SUN3: variants seen among roughly 807,000 people sequenced by gnomAD.
The protein encoded by SUN3 is Sad1 and UNC84 domain containing 3.
SUN3 carries 36 observed loss-of-function variants against 48.2 expected under a neutral mutation model. That is an observed-to-expected ratio of 0.75 (90% confidence interval 0.57 to 0.99). The LOEUF (loss-of-function observed/expected upper bound fraction) is 0.99, where lower values mean the gene tolerates loss of function less well. Ranked by LOEUF, SUN3 falls within the 50% of genes least tolerant of loss-of-function variation. The probability of loss-of-function intolerance (pLI) is 0.00; values close to 1 mark genes in which losing one functional copy is unlikely to be tolerated. For missense variants in SUN3, 419 were observed against 433.1 expected, an observed-to-expected ratio of 0.97 and a Z score of 0.29; for synonymous variants, 148 against 147.9, an observed-to-expected ratio of 1.00 and a Z score of 0.00.
the SUN3 span, chr7:48,035,697 G>C: frequency 1.7e-6 from 1 of 596,608 alleles, no homozygotes; most frequent in Admixed American, 2.8e-5. The surrounding 1 kb of genome is among the most constrained non-coding windows in gnomAD (Gnocchi z 4.0). Flanking sequence ...TCCACTGTGC[G>C]GAGCTCGCAG....
At chr7:48,022,453 T>C (rs1364017954) in intron 2 of SUN3, among the ~76,000 whole-genome samples, 1 of 152,160 alleles carries the variant, frequency 6.6e-6, no homozygotes, top group Non-Finnish European at 1.5e-5. Context: ...GATAAATGCT[T>C]GAGGGGATGG....
At chr7:48,011,257 A>G (rs1473571174) in intron 3 of SUN3, among the ~76,000 whole-genome samples, 2 of 152,192 alleles carry the variant, frequency 1.3e-5, no homozygotes, top group Non-Finnish European at 2.9e-5. Flanking sequence ...ATCTTTACCC[A>G]GTAATTAGCT....
chr7:48,025,081 G>T (rs1439896524), intron 2 of SUN3, among the ~76,000 whole-genome samples: 2 of 152,064 alleles, frequency 1.3e-5, no homozygotes, highest in Non-Finnish European at 2.9e-5. Flanking sequence ...TTGAGAACAG[G>T]TGTTCAAATA....
In SUN3 at chr7:48,029,080, C is replaced by T; in HGVS notation, c.-142G>A. 3 of 1,219,910 alleles carry T rather than the reference C, an allele frequency of 2.5e-6. No homozygotes were observed. The highest frequency in any genetic ancestry group is 3.4e-6 in the Non-Finnish European group (3 of 885,278). 75.6% of individuals were successfully genotyped at this position (1,219,910 alleles called of 1,614,324 possible). ...TCTTCTTCCTCCACGGGTGTTTCTT[C>T]TTGAAGACGGAATTTTGAAAAGCTT... On this transcript the variant is annotated 5_prime_UTR_variant, in exon 1 of 10. Coordinates refer to ENST00000297325, the MANE Select transcript of SUN3 (RefSeq NM_001030019.2).
At chr7:48,003,822 T>A (rs933400096) in intron 6 of SUN3, among the ~76,000 whole-genome samples, 14 of 152,306 alleles carry the variant, frequency 9.2e-5, no homozygotes, top group African/African-American at 3.4e-4. Flanking sequence ...ACTATGGGGT[T>A]TTCTAGATAT....
intron 2 of SUN3, among the ~76,000 whole-genome samples, chr7:48,019,519 A>T (rs1182836999): frequency 6.6e-6 from 1 of 152,140 alleles, no homozygotes; most frequent in Non-Finnish European, 1.5e-5. Flanking sequence ...GTTTTTAGAA[A>T]AATTAAATGA....
chr7:47,995,273 G>A (rs996535495), intron 7 of SUN3, among the ~76,000 whole-genome samples: 1 of 150,842 alleles, frequency 6.6e-6, no homozygotes, highest in African/African-American at 2.5e-5. Context: ...TGTGGTGGCA[G>A]TGATGGTGGT....
intron 6 of SUN3, among the ~76,000 whole-genome samples, chr7:47,998,050 T>A (rs1250138727): frequency 6.6e-6 from 1 of 152,214 alleles, no homozygotes; most frequent in East Asian, 1.9e-4. Flanking sequence ...CTTGGCAAGT[T>A]TTGATGTGAA....
intron 5 of SUN3, among the ~76,000 whole-genome samples, chr7:48,006,742 G>A (rs1420475086): frequency 6.6e-6 from 1 of 152,164 alleles, no homozygotes; most frequent in Non-Finnish European, 1.5e-5. Flanking sequence ...AATGACAGCG[G>A]AAGAGAAAGA....
intron 5 of SUN3, 21 bp downstream of exon 5, chr7:48,007,144 C>T (rs777506868): frequency 1.2e-6 from 2 of 1,601,150 alleles, no homozygotes; most frequent in South Asian, 2.2e-5. Context: ...CCTGCCCAAC[C>T]CGCCTAGCCT....
chr7:48,035,328 C>T, the SUN3 span, among the ~76,000 whole-genome samples: 23 of 152,302 alleles, frequency 1.5e-4, no homozygotes, highest in African/African-American at 5.1e-4. This position sits in a 1 kb window ranked among gnomAD's most constrained non-coding sequence, Gnocchi z 4.0. Flanking sequence ...CCCGGTTCCC[C>T]GTGGCATCGC....
At chr7:48,006,147 A>T in intron 5 of SUN3, 94 bp from the exon 6 acceptor site, 1 of 840,826 alleles carries the variant, frequency 1.2e-6, no homozygotes, top group Non-Finnish European at 1.9e-6. Context: ...CTAATTTGCA[A>T]AATTAGAATA....
Position 48,025,935 on chromosome 7 carries a change from T to C in SUN3, c.126A>G (p.Val42=). 6.3e-7 allele frequency: 1 copy of C among 1,594,468 alleles called. No individual in the cohort carries two copies. The highest frequency in any genetic ancestry group is 8.6e-7 in the Non-Finnish European group (1 of 1,166,312). The change falls in exon 2 of 10, where the codon GTA becomes GTG. Residue 42 remains valine (V), a synonymous_variant. Coordinates refer to ENST00000297325, the MANE Select transcript of SUN3 (RefSeq NM_001030019.2). ...SEDENPDANG[V]TRSWKIILST... Reference sequence around the variant, plus strand: ...TTAGAATAATCTTCCATGATCGAGTTACCCTAAAAGAATAAAAACAATGAT... The same window carrying C: ...TTAGAATAATCTTCCATGATCGAGTCACCCTAAAAGAATAAAAACAATGAT...
At chr7:47,996,375 T>A (rs1232447521) in intron 6 of SUN3, among the ~76,000 whole-genome samples, 2 of 151,728 alleles carry the variant, frequency 1.3e-5, no homozygotes, top group Admixed American at 6.5e-5. Flanking sequence ...AAATGTATGA[T>A]TAAAAAAATT....
Position 48,028,836 on chromosome 7 carries a change from C to G in SUN3, c.103G>C (p.Glu35Gln), listed in dbSNP as rs1332965203. The G allele has an allele frequency of 1.9e-6, 3 of 1,613,668 alleles. No individual in the cohort carries two copies. The highest frequency in any genetic ancestry group is 2.5e-6 in the Non-Finnish European group (3 of 1,179,810). ...ACCTACCCATTCGCATCAGGATTTT[C>G]GTCCTCTGATAACAAAGCATTGCCA... ...ASGNALLSED[E>Q]NPDANGVTRS... is the part of the protein sequence containing the mutation. The change falls in exon 1 of 10, where the codon GAA becomes CAA. Residue 35 changes from glutamate (E) to glutamine (Q), a missense_variant. Glu to Gln is a conservative substitution (Grantham distance 29, BLOSUM62 2). Coordinates refer to ENST00000297325, the MANE Select transcript of SUN3 (RefSeq NM_001030019.2).
chr7:47,987,976 C>T (rs1377461823), intron 9 of SUN3, among the ~76,000 whole-genome samples: 2 of 152,116 alleles, frequency 1.3e-5, no homozygotes, highest in African/African-American at 2.4e-5. Context: ...CTCTCTATTC[C>T]GCTGTTTCCC....
rs536978674 is a variant in SUN3, at chr7:47,998,910, C to G, written c.578-2764G>C. Among the ~76,000 whole-genome samples the G allele has an allele frequency of 3.3e-5, 5 of 152,238 alleles. No homozygotes were observed. The South Asian group carries it at 1.0e-3, about 32-fold the overall frequency. On this transcript the variant is annotated intron_variant, in intron 6 of 9. Coordinates refer to ENST00000297325, the MANE Select transcript of SUN3 (RefSeq NM_001030019.2). The stretch of plus-strand genomic sequence containing the variant: ...TTGATTACTGTAAACTTATAGTAAG[C>G]CTTAAAATTAGGTAGTGTGAGTTCT...
intron 8 of SUN3, among the ~76,000 whole-genome samples, chr7:47,993,326 A>C (rs1482282546): frequency 1.3e-5 from 2 of 152,198 alleles, no homozygotes; most frequent in Non-Finnish European, 2.9e-5. Context: ...GGAAAACAAA[A>C]ACTCATGTCC....
At chr7:48,034,379 A>G in the SUN3 span, among the ~76,000 whole-genome samples, 2 of 152,214 alleles carry the variant, frequency 1.3e-5, no homozygotes, top group African/African-American at 4.8e-5. Flanking sequence ...ATACTCGTGT[A>G]ACAGAAACAG....
Sources: allele counts gnomAD v4.1 joint callset (sites outside exome capture counted in the v4.1 genomes callset), GRCh38; gene constraint gnomAD v4.1.1; non-coding constraint Gnocchi (gnomAD v3.1); transcripts MANE v1.5; gene names NCBI Gene and HGNC (gene_info 2026-07-23, HGNC 2026-07-21).